The following GRIK4 variants were observed in gnomAD, a reference collection of about 807,000 sequenced individuals.
The protein encoded by GRIK4 is glutamate receptor ionotropic, kainate 4.
GRIK4 carries 40 observed loss-of-function variants against 104.9 expected under a neutral mutation model. The observed-to-expected ratio is 0.38, with a 90% CI of 0.30 to 0.50. GRIK4 has a LOEUF of 0.50. Among genes scored for constraint, GRIK4 ranks in the 20% least tolerant of loss-of-function variants. The pLI is 0.93. For missense variants in GRIK4, 1,047 were observed against 1,308.1 expected (o/e 0.80, Z 3.08); for synonymous variants, 485 against 524.9 (o/e 0.92, Z 1.04).
intron 1 of GRIK4, among the ~76,000 whole-genome samples, chr11:120,546,952 A>C (rs1166075791): frequency 1.3e-5 from 2 of 152,214 alleles, no homozygotes; most frequent in East Asian, 3.9e-4. Context: ...CAGCTTAAGA[A>C]CAGCAAGGTC....
intron 12 of GRIK4, among the ~76,000 whole-genome samples, chr11:120,900,706 C>T (rs556914621): frequency 5.3e-5 from 8 of 152,182 alleles, no homozygotes; most frequent in East Asian, 1.9e-4. Flanking sequence ...GGTGAGGACG[C>T]AGCCAAGTAG....
chr11:120,985,357 T>G (rs1477421538), intron 20 of GRIK4, among the ~76,000 whole-genome samples: 1 of 152,218 alleles, frequency 6.6e-6, no homozygotes, highest in Non-Finnish European at 1.5e-5. Context: ...GTGCTTTGTA[T>G]TACCCTCCTC....
In GRIK4 at chr11:120,899,238, G is replaced by T. The variant is rs578178030; in HGVS notation, c.1272+599G>T. ...TTGAGACCAAGCTGGCCAACACGGC[G>T]AAACCCTGTCTCTACTAAAAAAAAA... is the stretch of plus-strand genomic sequence containing the variant. On this transcript the variant is annotated intron_variant, in intron 12 of 20. Coordinates refer to ENST00000527524, the MANE Select transcript of GRIK4 (RefSeq NM_014619.5). Among the ~76,000 whole-genome samples, 4 of 151,950 alleles carry T rather than the reference G, an allele frequency of 2.6e-5. No individual in the cohort carries two copies. In the East Asian group the frequency reaches 7.7e-4, roughly 29 times the overall value.
At chr11:120,914,752 C>A (rs1205986665) in intron 13 of GRIK4, among the ~76,000 whole-genome samples, 2 of 152,064 alleles carry the variant, frequency 1.3e-5, no homozygotes, top group African/African-American at 4.8e-5. Context: ...TGTCTAAGAG[C>A]AGGTGGTTTG....
chr11:120,512,236 T>C (rs1413885279), intron 1 of GRIK4, among the ~76,000 whole-genome samples: 1 of 150,404 alleles, frequency 6.6e-6, no homozygotes, highest in Non-Finnish European at 1.5e-5. Context: ...GCTCTGGTCC[T>C]CCCCCTCCCC....
chr11:120,956,375 T>A lies in GRIK4; in HGVS notation c.1701-405T>A, dbSNP rs1344030874. On this transcript the variant is annotated intron_variant, in intron 15 of 20. Coordinates refer to ENST00000527524, the MANE Select transcript of GRIK4 (RefSeq NM_014619.5). This position sits in a 1 kb window ranked among gnomAD's most constrained non-coding sequence, Gnocchi z 4.6. ...CACCACCATACCTGGCTAATTTTTT[T>A]GTATTTTTTAGTAGAGACGGGTTTT... Among the ~76,000 whole-genome samples, 1 of 152,072 alleles carries A rather than the reference T, an allele frequency of 6.6e-6. No homozygotes were observed. The highest frequency in any genetic ancestry group is 1.5e-5 in the Non-Finnish European group (1 of 68,010).
At chr11:120,784,570 G>T (rs113632948) in intron 3 of GRIK4, among the ~76,000 whole-genome samples, 41 of 152,244 alleles carry the variant, frequency 2.7e-4, no homozygotes, top group African/African-American at 9.4e-4. Context: ...CACAGCTTTG[G>T]CTAAAATGTA....
intron 3 of GRIK4, among the ~76,000 whole-genome samples, chr11:120,712,229 G>A (rs918538875): frequency 1.3e-5 from 2 of 152,174 alleles, no homozygotes; most frequent in Non-Finnish European, 2.9e-5. Context: ...AGGTGATGGA[G>A]AAGCCAGGTC....
chr11:120,915,083 T>G (rs745673592), intron 13 of GRIK4, among the ~76,000 whole-genome samples: 6 of 152,182 alleles, frequency 3.9e-5, no homozygotes, highest in Non-Finnish European at 7.3e-5. Flanking sequence ...ATTGGCTGTT[T>G]GACCCTGGGA....
chr11:120,596,532 C>T (rs1948803324), intron 1 of GRIK4, among the ~76,000 whole-genome samples: 1 of 152,096 alleles, frequency 6.6e-6, no homozygotes, highest in South Asian at 2.1e-4. Context: ...GGATGGATGT[C>T]TGTGTCTAGG....
chr11:120,771,013 G>C (rs987594200), intron 3 of GRIK4, among the ~76,000 whole-genome samples: 1 of 152,226 alleles, frequency 6.6e-6, no homozygotes, highest in Admixed American at 6.5e-5. Flanking sequence ...TTGGTACCAA[G>C]AAGTGAGGGT....
Position 120,660,365 on chromosome 11 carries a change from T to C in GRIK4, c.47T>C (p.Val16Ala), listed in dbSNP as rs1949792983. The C allele has an allele frequency of 2.5e-6, 4 of 1,613,304 alleles. No homozygotes were observed. The East Asian group carries it at 8.9e-5, about 36-fold the overall frequency. Reference sequence around the variant, plus strand: ...TTGGTGCTGCTTCCTGCGTGGCTCGTGATGGTCGCCTGCAGCCCGCACTCC... The same window carrying C: ...TTGGTGCTGCTTCCTGCGTGGCTCGCGATGGTCGCCTGCAGCCCGCACTCC... Reference protein sequence around the residue: ...APLVLLPAWLVMVACSPHSLR... With the variant: ...APLVLLPAWLAMVACSPHSLR... Residue 16 changes from valine (V) to alanine (A), a missense_variant, in exon 3 of 21, where the codon GTG becomes GCG. Coordinates refer to ENST00000527524, the MANE Select transcript of GRIK4 (RefSeq NM_014619.5).
rs558511678 is a variant in GRIK4, at chr11:120,977,498, C to T, written c.2396-4608C>T. ...TGTTAAATGGAACTGCTGCGCTCTCCGAACTCTCCCTTCCCACTCCCCGCT... is the reference window on the plus strand; with the variant it reads ...TGTTAAATGGAACTGCTGCGCTCTCTGAACTCTCCCTTCCCACTCCCCGCT... On this transcript the variant is annotated intron_variant, in intron 19 of 20. Coordinates refer to ENST00000527524, the MANE Select transcript of GRIK4 (RefSeq NM_014619.5). 6.2e-4 allele frequency among the ~76,000 whole-genome samples: 94 copies of T among 152,292 alleles called. 1 individual carries two copies. The South Asian group carries it at 6.4e-3, about 10-fold the overall frequency.
intron 16 of GRIK4, among the ~76,000 whole-genome samples, chr11:120,957,529 A>G (rs1944183671): frequency 6.6e-6 from 1 of 151,862 alleles, no homozygotes; most frequent in Non-Finnish European, 1.5e-5. Context: ...AAAGTGCTAC[A>G]TAAACATATG....
intron 1 of GRIK4, among the ~76,000 whole-genome samples, chr11:120,597,779 G>C (rs552406446): frequency 1.8e-4 from 27 of 152,248 alleles, no homozygotes; most frequent in African/African-American, 5.5e-4. Flanking sequence ...AATTGTGACT[G>C]TGGATGAGTC....
At chr11:120,538,415 A>G (rs543293564) in intron 1 of GRIK4, among the ~76,000 whole-genome samples, 8 of 152,214 alleles carry the variant, frequency 5.3e-5, no homozygotes, top group Non-Finnish European at 1.0e-4. Context: ...GGGGGTGTAC[A>G]TTGTAAAAGG....
chr11:120,607,442 G>T (rs2135141356), intron 1 of GRIK4, among the ~76,000 whole-genome samples: 1 of 152,326 alleles, frequency 6.6e-6, no homozygotes, highest in East Asian at 1.9e-4. Flanking sequence ...AGGGGCTGGG[G>T]CAGGGCCCTG....
intron 3 of GRIK4, among the ~76,000 whole-genome samples, chr11:120,745,316 A>G (rs1377598129): frequency 6.6e-6 from 1 of 152,202 alleles, no homozygotes; most frequent in Non-Finnish European, 1.5e-5. Context: ...TTCTATTTAT[A>G]CTAAATCTAT....
intron 1 of GRIK4, among the ~76,000 whole-genome samples, chr11:120,647,635 A>G (rs1446197205): frequency 6.6e-6 from 1 of 152,238 alleles, no homozygotes; most frequent in Admixed American, 6.5e-5. Context: ...CACCCGGCAC[A>G]TGCCTCGGGG....
Sources: gnomAD v4.1 joint callset for allele counts (sites outside exome capture counted in the v4.1 genomes callset) on GRCh38, gnomAD v4.1.1 for gene constraint, Gnocchi (gnomAD v3.1) non-coding constraint, MANE v1.5 for transcripts, NCBI Gene and HGNC (gene_info 2026-07-23, HGNC 2026-07-21) for gene names.